TTLL6: variants seen among roughly 807,000 people sequenced by gnomAD.
TTLL6 encodes the protein tubulin tyrosine ligase like 6, also known as tubulin polyglutamylase TTLL6.
A neutral mutation model predicts 96.4 loss-of-function variants in TTLL6; 75 were observed. That is an observed-to-expected ratio of 0.78 (90% CI 0.65 to 0.94). TTLL6 has a LOEUF of 0.94. Ranked by LOEUF, TTLL6 falls within the 40% of genes least tolerant of loss-of-function variation. The pLI, the probability that TTLL6 is intolerant of heterozygous loss-of-function variation, is 0.00. For missense variants in TTLL6, 1,030 were observed against 1,093.0 expected, an observed-to-expected ratio of 0.94 and a Z score of 0.81; for synonymous variants, 411 against 419.4, an observed-to-expected ratio of 0.98 and a Z score of 0.24.
intron 1 of TTLL6, among the ~76,000 whole-genome samples, chr17:48,805,977 T>C (rs532980022): frequency 6.6e-6 from 1 of 152,130 alleles, no homozygotes; most frequent in Non-Finnish European, 1.5e-5. Context: ...GGCATGGTGG[T>C]GCATGCCTGT....
intron 11 of TTLL6, among the ~76,000 whole-genome samples, chr17:48,787,209 C>G (rs1352926910): frequency 6.6e-6 from 1 of 152,174 alleles, no homozygotes; most frequent in Non-Finnish European, 1.5e-5. Context: ...GGACTGGACT[C>G]AGTGGATGAG....
At chr17:48,794,127 T>A in intron 8 of TTLL6, 1 of 1,583,452 alleles carries the variant, frequency 6.3e-7, no homozygotes, top group South Asian at 1.1e-5. Flanking sequence ...TACAGTGGGG[T>A]GAGAGGGAGA....
At position 48,801,662 on chromosome 17, in the gene TTLL6, C is replaced by T. The variant is rs776598934; in HGVS notation, c.362-19G>A. The stretch of plus-strand genomic sequence containing the variant: ...CTGCGCACTATTGAAGAAAGAAAGG[C>T]CTATTAGCCCAGGAAGTGGGGGAGG... On this transcript the variant is annotated intron_variant, in intron 3 of 15. Transcript: ENST00000393382. The T allele has an allele frequency of 6.5e-7, 1 of 1,541,086 alleles. No homozygotes were observed. The highest frequency in any genetic ancestry group is 1.2e-5 in the South Asian group (1 of 83,766).
intron 5 of TTLL6, among the ~76,000 whole-genome samples, chr17:48,800,944 T>G (rs1208089786): frequency 6.6e-6 from 1 of 152,090 alleles, no homozygotes; most frequent in African/African-American, 2.4e-5. Flanking sequence ...CCTTAAAGAT[T>G]CAGAAACTGC....
intron 1 of TTLL6, among the ~76,000 whole-genome samples, chr17:48,814,452 G>C (rs889699585): frequency 6.6e-6 from 1 of 151,570 alleles, no homozygotes; most frequent in Non-Finnish European, 1.5e-5. Context: ...AAGGGTATTA[G>C]TCCACCTTTC....
At position 48,767,629 on chromosome 17, in the gene TTLL6, G is replaced by C. The variant is rs532248236; in HGVS notation, c.*1360C>G. Among the ~76,000 whole-genome samples the C allele has an allele frequency of 7.9e-5, 12 of 152,246 alleles. No individual in the cohort carries two copies. The East Asian group carries it at 2.3e-3, about 29-fold the overall frequency. On this transcript the variant is annotated intron_variant, in intron 15 of 15. Coordinates refer to ENST00000393382, the MANE Select transcript of TTLL6 (RefSeq NM_001130918.3). Reference sequence around the variant, plus strand: ...GTAAGCTTTGCGTGGCAGGGTGGAGGGAGACGATTCACATCTCTAGCCTTC... The same window carrying C: ...GTAAGCTTTGCGTGGCAGGGTGGAGCGAGACGATTCACATCTCTAGCCTTC...
intron 3 of TTLL6, among the ~76,000 whole-genome samples, 189 bp from the exon 4 acceptor site, chr17:48,801,832 T>C (rs1715231): frequency 0.91 from 138,181 of 151,776 alleles, 63,275 homozygotes; most frequent in Non-Finnish European, 0.96. Context: ...ATCACTTGAG[T>C]CCAGGAGTTC....
At position 48,796,110 on chromosome 17, in the gene TTLL6, T is replaced by C; in HGVS notation, c.949A>G (p.Asn317Asp). 6.4e-7 allele frequency: 1 copy of C among 1,551,538 alleles called. No homozygotes were observed. Among genetic ancestry groups the C allele is most frequent in the South Asian group, 1.2e-5 (1 of 84,042 alleles). The change falls in exon 8 of 16, where the codon AAT (asparagine) becomes GAT (aspartate). Residue 317 changes from asparagine (N) to aspartate (D), a missense_variant. Asn to Asp is a conservative substitution (Grantham distance 23). Coordinates refer to ENST00000393382, the MANE Select transcript of TTLL6 (RefSeq NM_001130918.3). ...CGACTGAAATTTGAACTGTGCTTAT[T>C]AATGGAATAATTAGTCAGGTGCATG... Reference protein sequence around the residue: ...ICMHLTNYSINKHSSNFSRDA... With the variant: ...ICMHLTNYSIDKHSSNFSRDA...
chr17:48,794,188 A>C (rs774799492), intron 8 of TTLL6: 1 of 1,613,870 alleles, frequency 6.2e-7, no homozygotes, highest in East Asian at 2.2e-5. Context: ...CAACACTTGA[A>C]GCCTTGCAAC....
rs548317583 is a variant in TTLL6, at chr17:48,782,263, G to A, written c.2040+2660C>T. ...TGGGATTACAAGCGCGCACCACCACGCCTGGCTAGGTTTTGTATTTTTAGT... is the reference window on the plus strand; with the variant it reads ...TGGGATTACAAGCGCGCACCACCACACCTGGCTAGGTTTTGTATTTTTAGT... On this transcript the variant is annotated intron_variant, in intron 13 of 15. Coordinates refer to ENST00000393382, the MANE Select transcript of TTLL6 (RefSeq NM_001130918.3). 6.3e-4 allele frequency among the ~76,000 whole-genome samples: 96 copies of A among 152,010 alleles called. 1 individual carries two copies. The highest frequency in any genetic ancestry group is 2.1e-3 in the African/African-American group (87 of 41,490).
intron 1 of TTLL6, among the ~76,000 whole-genome samples, chr17:48,816,736 G>A (rs2143518192): frequency 6.6e-6 from 1 of 152,308 alleles, no homozygotes; most frequent in Middle Eastern, 3.4e-3. Context: ...GGAAATCGGG[G>A]GAGGGCGGGA....
chr17:48,768,097 G>A (rs2038651576), intron 15 of TTLL6, among the ~76,000 whole-genome samples: 1 of 152,008 alleles, frequency 6.6e-6, no homozygotes, highest in Non-Finnish European at 1.5e-5. Context: ...ATAGCAAGGG[G>A]GTCACTTTTT....
chr17:48,786,467 T>C, intron 11 of TTLL6, 132 bp from the exon 12 acceptor site: 1 of 1,008,792 alleles, frequency 9.9e-7, no homozygotes, highest in Non-Finnish European at 1.5e-6. Context: ...ACATATCCAG[T>C]CTGCACAAGT....
Position 48,786,226 on chromosome 17 carries a change from T to C in TTLL6, c.1699A>G (p.Met567Val), listed in dbSNP as rs750747090. The change falls in exon 12 of 16, where the codon ATG becomes GTG. Residue 567 changes from methionine to valine, a missense_variant. Transcript: ENST00000393382. ...TGTTGTTTCTGTTGCCAGCCCCTCA[T>C]GCCCTTCTTTCTCACTTGCTCGCCT... ...SAGEQVRKKGMRGWQQKQQQK... is the reference protein window; with the variant it reads ...SAGEQVRKKGVRGWQQKQQQK... 1 of 1,614,240 alleles carries C rather than the reference T, an allele frequency of 6.2e-7. No homozygotes were observed. Among genetic ancestry groups the C allele is most frequent in the Non-Finnish European group, 8.5e-7 (1 of 1,180,046 alleles).
Position 48,817,156 on chromosome 17 carries a change from C to A in TTLL6, c.-84G>T, listed in dbSNP as rs964140853. 8.9e-6 allele frequency: 9 copies of A among 1,008,712 alleles called. No individual in the cohort carries two copies. The African/African-American group carries it at 1.2e-4, about 13-fold the overall frequency. 62.5% of individuals were successfully genotyped at this position (1,008,712 alleles called of 1,614,324 possible). The stretch of plus-strand genomic sequence containing the variant: ...CCCTCATATTTGCATACGGGGCCTT[C>A]TAGGCCTTCGATTGGCCCCTGCAGT... On this transcript the variant is annotated 5_prime_UTR_variant, in exon 1 of 16. Coordinates refer to ENST00000393382, the MANE Select transcript of TTLL6 (RefSeq NM_001130918.3).
chr17:48,796,618 CAA>C (rs10667928), intron 7 of TTLL6, among the ~76,000 whole-genome samples: 8 of 138,208 alleles, frequency 5.8e-5, no homozygotes, highest in Admixed American at 7.3e-5. Context: ...GACTCCATCT[CAA>C]AAAAAAAAAA....
intron 15 of TTLL6, chr17:48,765,409 C>A (rs1412937521): frequency 6.6e-6 from 1 of 151,894 alleles, no homozygotes; most frequent in African/African-American, 2.4e-5. Context: ...AAGACTGTCT[C>A]CAAAGAAAAT....
intron 15 of TTLL6, among the ~76,000 whole-genome samples, chr17:48,764,597 T>G (rs1209063008): frequency 6.6e-6 from 1 of 152,208 alleles, no homozygotes; most frequent in Non-Finnish European, 1.5e-5. Flanking sequence ...CATTGAGGCC[T>G]CTGCTTGCTC....
intron 7 of TTLL6, among the ~76,000 whole-genome samples, chr17:48,796,708 G>T (rs1278366022): frequency 1.3e-5 from 2 of 152,002 alleles, no homozygotes; most frequent in Non-Finnish European, 2.9e-5. Context: ...GTCCAGGAAA[G>T]GTGGGGATGG....
Sources: gnomAD v4.1 joint callset for allele counts (sites outside exome capture counted in the v4.1 genomes callset) on GRCh38, gnomAD v4.1.1 for gene constraint, MANE v1.5 for transcripts, NCBI Gene and HGNC (gene_info 2026-07-23, HGNC 2026-07-21) for gene names.